RPE65: variants seen among roughly 807,000 people sequenced by gnomAD.
RPE65 encodes retinoid isomerohydrolase.
RPE65 carries 58 observed loss-of-function variants against 68.5 expected under a neutral mutation model. That is an observed-to-expected ratio of 0.85 (90% confidence interval 0.69 to 1.05). The LOEUF (loss-of-function observed/expected upper bound fraction) is 1.05. Ranked by LOEUF, RPE65 falls within the 50% of genes least tolerant of loss-of-function variation. RPE65 has a pLI of 0.00. For synonymous variants in RPE65, 220 were observed against 222.2 expected, an observed-to-expected ratio of 0.99 and a Z score of 0.09; for missense variants, 643 against 629.9, an observed-to-expected ratio of 1.02 and a Z score of -0.22.
At chr1:68,433,211 G>A (rs1645838711) in intron 10 of RPE65, among the ~76,000 whole-genome samples, 1 of 152,190 alleles carries the variant, frequency 6.6e-6, no homozygotes, top group Admixed American at 6.5e-5. Context: ...TTAACAACGA[G>A]TGAGTGTATA....
chr1:68,440,737 G>A, intron 6 of RPE65, 116 bp downstream of exon 6: 2 of 1,339,054 alleles, frequency 1.5e-6, no homozygotes, highest in Non-Finnish European at 2.1e-6. Context: ...TGAAGTCTGA[G>A]AGTAATTTAA....
chr1:68,437,091 T>G (rs1429625839), intron 10 of RPE65, among the ~76,000 whole-genome samples: 1 of 152,194 alleles, frequency 6.6e-6, no homozygotes, highest in Admixed American at 6.5e-5. Flanking sequence ...AGTAACTTTC[T>G]GAATCACAGA....
rs572051263 is a variant in RPE65, at chr1:68,447,880, AC to A, written c.94+743del. Among the ~76,000 whole-genome samples, 678 of 151,212 alleles carry A rather than the reference AC, an allele frequency of 4.5e-3. 5 individuals carry two copies. Among genetic ancestry groups the A allele is most frequent in the African/African-American group, 0.016 (651 of 40,680 alleles). On this transcript the variant is annotated intron_variant, in intron 2 of 13. Transcript: ENST00000262340. ...ACAAAACAAACAAACAAACAAAAAA[AC>A]AAACAAAAAAAACCCCAGGTAGGTT...
rs755080522 is a variant in RPE65, at chr1:68,429,899, T to C, written c.1479A>G (p.Pro493=). 6.2e-7 allele frequency: 1 copy of C among 1,613,704 alleles called. No homozygotes were observed. The highest frequency in any genetic ancestry group is 1.1e-5 in the South Asian group (1 of 91,064). Residue 493 remains proline, a synonymous_variant, in exon 14 of 14, where the codon CCA becomes CCG. Coordinates refer to ENST00000262340, the MANE Select transcript of RPE65 (RefSeq NM_000329.3). ...GATAAGCAGGCTTTTGTCCTGCTCC[T>C]GGGCTCACCACCACACTCAGAACTA... ...DGVVLSVVVS[P]GAGQKPAYLL... is the part of the protein sequence containing the mutation.
chr1:68,434,287 C>G (rs2100811723), intron 10 of RPE65, among the ~76,000 whole-genome samples: 1 of 152,106 alleles, frequency 6.6e-6, no homozygotes, highest in Non-Finnish European at 1.5e-5. Context: ...GGGCTGTACC[C>G]TGTACAGAGG....
chr1:68,444,509 A>G, intron 5 of RPE65, 22 bp downstream of exon 5: 1 of 1,613,970 alleles, frequency 6.2e-7, no homozygotes, highest in Non-Finnish European at 8.5e-7. Flanking sequence ...ATTCCTGAAC[A>G]TCACCTAGCA....
chr1:68,444,609 C>A lies in RPE65; in HGVS notation c.417G>T (p.Val139=), dbSNP rs536073181. The A allele has an allele frequency of 1.9e-6, 3 of 1,613,998 alleles. No homozygotes were observed. Among genetic ancestry groups the A allele is most frequent in the Non-Finnish European group, 2.5e-6 (3 of 1,180,010 alleles). The change falls in exon 5 of 14, where the codon GTG becomes GTT. Residue 139 remains valine (V), a synonymous_variant. Transcript: ENST00000262340. The part of the protein sequence containing the change: ...TDNALVNVYP[V]GEDYYACTET... ...CTGTGCAAGCGTAGTAATCTTCCCC[C>A]ACTGGGTAGACATTAACAAGGGCAT...
chr1:68,429,768 G>A lies in RPE65; in HGVS notation c.*8C>T. 1 of 1,613,380 alleles carries A rather than the reference G, an allele frequency of 6.2e-7. No homozygotes were observed. The highest frequency in any genetic ancestry group is 8.5e-7 in the Non-Finnish European group (1 of 1,179,552). Reference sequence around the variant, plus strand: ...TTGCTACCAAAAACATATCTTGCTGGAGTATGCTCAAGATTTTTTGAACAG... The same window carrying A: ...TTGCTACCAAAAACATATCTTGCTGAAGTATGCTCAAGATTTTTTGAACAG... On this transcript the variant is annotated 3_prime_UTR_variant, in exon 14 of 14. Coordinates refer to ENST00000262340, the MANE Select transcript of RPE65 (RefSeq NM_000329.3).
At chr1:68,439,744 T>C (rs1052803794) in intron 6 of RPE65, 102 bp from the exon 7 acceptor site, 2 of 927,852 alleles carry the variant, frequency 2.2e-6, no homozygotes, top group East Asian at 2.5e-5. Flanking sequence ...CACATTTTGA[T>C]TGTTTTAGAG....
rs1232507453 is a variant in RPE65 at position 68,444,844 on chromosome 1, C to T, written c.285G>A (p.Glu95=). 6.2e-7 allele frequency: 1 copy of T among 1,614,126 alleles called. No individual in the cohort carries two copies. Among genetic ancestry groups the T allele is most frequent in the East Asian group, 2.2e-5 (1 of 44,874 alleles). ...RTDAYVRAMT[E]KRIVITEFGT... is the part of the protein sequence containing the mutation. Reference sequence around the variant, plus strand: ...CAAATTCTGTTATGACGATCCTTTTCTCAGTCATTGCCCGTACGTAAGCAT... The same window carrying T: ...CAAATTCTGTTATGACGATCCTTTTTTCAGTCATTGCCCGTACGTAAGCAT... Residue 95 remains glutamate (E), a synonymous_variant, in exon 4 of 14, where the codon GAG becomes GAA. Transcript: ENST00000262340.
At position 68,446,748 on chromosome 1, in the gene RPE65, C is replaced by A. The variant is rs774650221; in HGVS notation, c.207G>T (p.Lys69Asn). ...TGACATGTCCTTCTTTAAAGTCAAACTTGTGCAGGAGGGCTTGCCCATCAA... is the reference window on the plus strand; with the variant it reads ...TGACATGTCCTTCTTTAAAGTCAAAATTGTGCAGGAGGGCTTGCCCATCAA... ...HLFDGQALLHKFDFKEGHVTY... is the reference protein window; with the variant it reads ...HLFDGQALLHNFDFKEGHVTY... Residue 69 changes from lysine to asparagine, a missense_variant, in exon 3 of 14, where the codon AAG becomes AAT. Physicochemically the swap from Lys to Asn is moderately conservative, Grantham distance 94 (BLOSUM62 0). Transcript: ENST00000262340. 1 of 1,614,190 alleles carries A rather than the reference C, an allele frequency of 6.2e-7. No homozygotes were observed. Among genetic ancestry groups the A allele is most frequent in the South Asian group, 1.1e-5 (1 of 91,084 alleles).
rs577193739 is a variant in RPE65, at chr1:68,439,585, C to T, written c.701G>A (p.Arg234Gln). 12 of 1,613,878 alleles carry T rather than the reference C, an allele frequency of 7.4e-6. No individual in the cohort carries two copies. The East Asian group carries it at 1.1e-4, about 15-fold the overall frequency. ...CCTATGAACGTAAGATGGCTTGAAT[C>T]GGTCACTGCAGGGGAATTGTACAAC... ...EIVVQFPCSD[R>Q]FKPSYVHSFG... is the part of the protein sequence containing the mutation. Residue 234 changes from arginine (R) to glutamine (Q), a missense_variant, in exon 7 of 14, where the codon CGA becomes CAA. Physicochemically the swap from Arg to Gln is conservative, Grantham distance 43 (BLOSUM62 1). Coordinates refer to ENST00000262340, the MANE Select transcript of RPE65 (RefSeq NM_000329.3).
At chr1:68,447,406 C>A (rs545691256) in intron 2 of RPE65, among the ~76,000 whole-genome samples, 1 of 152,302 alleles carries the variant, frequency 6.6e-6, no homozygotes, top group South Asian at 2.1e-4. Context: ...AGTCAATCTG[C>A]TGTAGCAGAA....
rs111518661 is a variant in RPE65 at position 68,439,552 on chromosome 1, T to C, written c.725+9A>G. 3 of 1,613,372 alleles carry C rather than the reference T, an allele frequency of 1.9e-6. No individual in the cohort carries two copies. The highest frequency in any genetic ancestry group is 2.7e-5 in the African/African-American group (2 of 75,022). ...TTTCCTGAAGATTCATAGCAGGCCTTCAAGTTACCTATGAACGTAAGATGG... is the reference window on the plus strand; with the variant it reads ...TTTCCTGAAGATTCATAGCAGGCCTCCAAGTTACCTATGAACGTAAGATGG... On this transcript the variant is annotated intron_variant, in intron 7 of 13. Transcript: ENST00000262340.
At chr1:68,431,021 C>T in intron 13 of RPE65, 44 bp downstream of exon 13, 1 of 1,472,106 alleles carries the variant, frequency 6.8e-7, no homozygotes, top group Non-Finnish European at 9.5e-7. Context: ...ACATACAGAA[C>T]TGCAGTAAGA....
At chr1:68,441,362 G>A (rs757077687) in intron 5 of RPE65, among the ~76,000 whole-genome samples, 7 of 152,032 alleles carry the variant, frequency 4.6e-5, no homozygotes, top group Non-Finnish European at 8.8e-5. Context: ...GTATAAGATT[G>A]CTAACATTTA....
intron 10 of RPE65, among the ~76,000 whole-genome samples, 166 bp from the exon 11 acceptor site, chr1:68,431,751 A>G (rs1645827998): frequency 6.6e-6 from 1 of 152,082 alleles, no homozygotes; most frequent in South Asian, 2.1e-4. Context: ...TGGGCAAGCT[A>G]TCTGTGCCTG....
rs966899049 is a variant in RPE65 at position 68,432,007 on chromosome 1, C to G, written c.1129-422G>C. On this transcript the variant is annotated intron_variant, in intron 10 of 13. Transcript: ENST00000262340. ...TGAAAGAATGTATATTTCGTTCACA[C>G]GTAGAATATGTTTTGATTTTGCTTG... 4.0e-5 allele frequency among the ~76,000 whole-genome samples: 6 copies of G among 148,732 alleles called. No homozygotes were observed. The South Asian group carries it at 1.3e-3, about 31-fold the overall frequency.
chr1:68,436,833 A>T (rs1378345230), intron 10 of RPE65, among the ~76,000 whole-genome samples: 1 of 152,094 alleles, frequency 6.6e-6, no homozygotes, highest in East Asian at 1.9e-4. Flanking sequence ...ACTGCTCAGG[A>T]TGGAAATCTT....
Sources: gnomAD v4.1 joint callset for allele counts (sites outside exome capture counted in the v4.1 genomes callset) on GRCh38, gnomAD v4.1.1 for gene constraint, MANE v1.5 for transcripts, NCBI Gene and HGNC (gene_info 2026-07-23, HGNC 2026-07-21) for gene names.